Variants in MOB3B observed in about 807,000 individuals in gnomAD.
MOB3B encodes MOB kinase activator 3B, also known as MOB kinase activator-like 2B.
A neutral mutation model predicts 18.7 loss-of-function variants in MOB3B; 7 were observed. The ratio of observed to expected loss-of-function variants is 0.37; its 90% CI spans 0.21 to 0.70. MOB3B has a LOEUF of 0.70. Among genes scored for constraint, MOB3B ranks in the 30% least tolerant of loss-of-function variants. The probability of loss-of-function intolerance (pLI) is 0.52; values close to 1 mark genes in which losing one functional copy is unlikely to be tolerated. For missense variants in MOB3B, 253 were observed against 281.3 expected (o/e 0.90, Z 0.72); for synonymous variants, 111 against 99.9 (o/e 1.11, Z -0.66).
At chr9:27,420,519 T>C (rs1279819230) in intron 2 of MOB3B, among the ~76,000 whole-genome samples, 2 of 140,692 alleles carry the variant, frequency 1.4e-5, no homozygotes, top group Non-Finnish European at 3.1e-5. Context: ...TCCATCTATA[T>C]TCCATCTATA....
intron 1 of MOB3B, among the ~76,000 whole-genome samples, chr9:27,527,613 C>T (rs1820456005): frequency 6.6e-6 from 1 of 152,204 alleles, no homozygotes. Context: ...CTACAGAAGC[C>T]TCTTTCTTCC....
At chr9:27,527,050 C>CCG (rs397696617) in intron 1 of MOB3B, among the ~76,000 whole-genome samples, 1 of 152,108 alleles carries the variant, frequency 6.6e-6, no homozygotes, top group Non-Finnish European at 1.5e-5. Context: ...ATATCTCCCC[C>CCG]TTTTACATTC....
chr9:27,529,223 G>C (rs1242041206), intron 1 of MOB3B, among the ~76,000 whole-genome samples: 1 of 152,242 alleles, frequency 6.6e-6, no homozygotes, highest in African/African-American at 2.4e-5. Flanking sequence ...TCGGAGTCTT[G>C]CACCCCGAAA....
intron 1 of MOB3B, among the ~76,000 whole-genome samples, chr9:27,514,827 G>A (rs557964003): frequency 6.6e-6 from 1 of 152,336 alleles, no homozygotes; most frequent in South Asian, 2.1e-4. Context: ...TGTTGGCAAG[G>A]AGACAGCAGC....
intron 1 of MOB3B, among the ~76,000 whole-genome samples, chr9:27,470,735 A>G (rs1445659352): frequency 1.3e-5 from 2 of 151,780 alleles, no homozygotes; most frequent in Non-Finnish European, 2.9e-5. Flanking sequence ...GGTTCAGCCT[A>G]CCCCTTCCCC....
chr9:27,374,464 G>A (rs1751518163), intron 2 of MOB3B, among the ~76,000 whole-genome samples: 1 of 152,126 alleles, frequency 6.6e-6, no homozygotes, highest in Non-Finnish European at 1.5e-5. Flanking sequence ...ATAAATTACT[G>A]TTAGACTAGT....
In MOB3B at chr9:27,326,449, G is replaced by T. The variant is rs781618589; in HGVS notation, c.*4138C>A. 2.8e-5 allele frequency: 11 copies of T among 398,442 alleles called. No homozygotes were observed. Among genetic ancestry groups the T allele is most frequent in the South Asian group, 2.5e-4 (2 of 7,858 alleles). The allele number at this position is 398,442 out of a possible 1,614,324, so 24.7% of individuals were successfully genotyped here. Reference sequence around the variant, plus strand: ...TTTCTAAAAGTGGGACACTAGAAAAGATATACTGAAACTCAAAAAGAATAC... The same window carrying T: ...TTTCTAAAAGTGGGACACTAGAAAATATATACTGAAACTCAAAAAGAATAC... On this transcript the variant is annotated 3_prime_UTR_variant, in exon 4 of 4. Transcript: ENST00000262244.
chr9:27,359,384 G>T lies in MOB3B; in HGVS notation c.419-148C>A, dbSNP rs541354630. ...CATAGGGAGTGTGTGTGTGTGGGGGGGGGGGGTTGGTAGCAAACTAGAAAG... is the reference window on the plus strand; with the variant it reads ...CATAGGGAGTGTGTGTGTGTGGGGGTGGGGGGTTGGTAGCAAACTAGAAAG... On this transcript the variant is annotated intron_variant, in intron 2 of 3. Coordinates refer to ENST00000262244, the MANE Select transcript of MOB3B (RefSeq NM_024761.5). The T allele has an allele frequency of 3.3e-4, 209 of 633,884 alleles. 2 individuals carry two copies. The highest frequency in any genetic ancestry group is 2.9e-3 in the African/African-American group (159 of 54,710). The allele number at this position is 633,884 out of a possible 1,614,324, so 39.3% of individuals were successfully genotyped here.
At chr9:27,400,180 C>T (rs1587182767) in intron 2 of MOB3B, among the ~76,000 whole-genome samples, 1 of 152,176 alleles carries the variant, frequency 6.6e-6, no homozygotes, top group Non-Finnish European at 1.5e-5. Context: ...CAACACAGTT[C>T]CTTGACAAAT....
At chr9:27,349,809 G>A (rs76671890) in intron 3 of MOB3B, among the ~76,000 whole-genome samples, 1 of 152,160 alleles carries the variant, frequency 6.6e-6, no homozygotes, top group Admixed American at 6.5e-5. Context: ...GAGAGAAGTG[G>A]CTTAGCAAAG....
At chr9:27,454,756 C>T (rs1292848987) in intron 2 of MOB3B, among the ~76,000 whole-genome samples, 2 of 152,218 alleles carry the variant, frequency 1.3e-5, no homozygotes, top group Non-Finnish European at 2.9e-5. Flanking sequence ...TCTTAATCCT[C>T]AGATATAAAT....
chr9:27,325,572 G>A lies in MOB3B; in HGVS notation c.*5015C>T, dbSNP rs1820698580. On this transcript the variant is annotated 3_prime_UTR_variant, in exon 4 of 4. Coordinates refer to ENST00000262244, the MANE Select transcript of MOB3B (RefSeq NM_024761.5). ...CAGAGGGAAACAGCCTGTTATAAAA[G>A]CTTTCTGTTAATATATTTTTTAAGG... is the stretch of plus-strand genomic sequence containing the variant. 1 of 152,112 alleles carries A rather than the reference G, an allele frequency of 6.6e-6. No individual in the cohort carries two copies. Among genetic ancestry groups the A allele is most frequent in the East Asian group, 1.9e-4 (1 of 5,208 alleles). The allele number at this position is 152,112 out of a possible 1,614,324, so 9.4% of individuals were successfully genotyped here. A position where few individuals can be genotyped will look rare whatever the true frequency, so the allele number is the denominator to read the frequency against.
At chr9:27,415,395 G>A (rs1009909267) in intron 2 of MOB3B, among the ~76,000 whole-genome samples, 1 of 150,756 alleles carries the variant, frequency 6.6e-6, no homozygotes, top group African/African-American at 2.4e-5. Context: ...GAAGCTGGGT[G>A]AATGATATAT....
intron 1 of MOB3B, among the ~76,000 whole-genome samples, chr9:27,459,753 T>C (rs185880115): frequency 3.6e-4 from 55 of 152,028 alleles, no homozygotes; most frequent in African/African-American, 5.3e-4. Flanking sequence ...GAATACCTTT[T>C]CATAAATGCC....
intron 1 of MOB3B, among the ~76,000 whole-genome samples, chr9:27,512,630 C>T (rs1432304125): frequency 1.3e-5 from 2 of 152,208 alleles, no homozygotes; most frequent in Non-Finnish European, 2.9e-5. Context: ...CTGTTAAACA[C>T]TACTGTTTCA....
Position 27,410,095 on chromosome 9 carries a change from T to C in MOB3B, c.418+45038A>G, listed in dbSNP as rs548999236. On this transcript the variant is annotated intron_variant, in intron 2 of 3. Coordinates refer to ENST00000262244, the MANE Select transcript of MOB3B (RefSeq NM_024761.5). ...AAAATGGTAAGTTTTATGTTATATT[T>C]ATTTTACAACTAAAGAAACAAATTT... Among the ~76,000 whole-genome samples the C allele has an allele frequency of 5.1e-4, 77 of 152,334 alleles. No homozygotes were observed. The South Asian group carries it at 8.1e-3, about 16-fold the overall frequency.
At chr9:27,357,789 C>T (rs1334001772) in intron 3 of MOB3B, among the ~76,000 whole-genome samples, 1 of 150,128 alleles carries the variant, frequency 6.7e-6, no homozygotes, top group Admixed American at 6.7e-5. Flanking sequence ...TGGTGGCTCA[C>T]ACCTGTAATC....
chr9:27,346,500 C>T lies in MOB3B; in HGVS notation c.621+12534G>A, dbSNP rs1045149336. Among the ~76,000 whole-genome samples the T allele has an allele frequency of 3.3e-5, 5 of 152,138 alleles. No homozygotes were observed. In the East Asian group the frequency reaches 7.7e-4, roughly 23 times the overall value. Reference sequence around the variant, plus strand: ...ATAGACTTGTGTGCAGATTGAATGACGTAACACATAAACACATTTCCTACA... The same window carrying T: ...ATAGACTTGTGTGCAGATTGAATGATGTAACACATAAACACATTTCCTACA... On this transcript the variant is annotated intron_variant, in intron 3 of 3. Coordinates refer to ENST00000262244, the MANE Select transcript of MOB3B (RefSeq NM_024761.5).
chr9:27,336,064 A>G (rs1660348852), intron 3 of MOB3B, among the ~76,000 whole-genome samples: 2 of 152,218 alleles, frequency 1.3e-5, no homozygotes, highest in Non-Finnish European at 2.9e-5. Context: ...CATACCTACG[A>G]TGGGGAAGGC....
Sources: allele counts gnomAD v4.1 joint callset (sites outside exome capture counted in the v4.1 genomes callset), GRCh38; gene constraint gnomAD v4.1.1; transcripts MANE v1.5; gene names NCBI Gene and HGNC (gene_info 2026-07-23, HGNC 2026-07-21).